GALNT1: variants seen among roughly 807,000 people sequenced by gnomAD.
The protein encoded by GALNT1 is GalNAc transferase 1.
GALNT1 carries 17 observed loss-of-function variants against 65.7 expected under a neutral mutation model. The ratio of observed to expected loss-of-function variants is 0.26; its 90% CI spans 0.18 to 0.39. GALNT1 has a LOEUF of 0.39. Among genes scored for constraint, GALNT1 ranks in the 10% least tolerant of loss-of-function variants. The pLI is 1.00. For synonymous variants in GALNT1, 210 were observed against 219.7 expected, an observed-to-expected ratio of 0.96 and a Z score of 0.39; for missense variants, 460 against 672.8, an observed-to-expected ratio of 0.68 and a Z score of 3.50.
intron 5 of GALNT1, among the ~76,000 whole-genome samples, chr18:35,685,793 G>A (rs944936129): frequency 1.3e-5 from 2 of 152,214 alleles, no homozygotes; most frequent in African/African-American, 4.8e-5. Flanking sequence ...TCAGGCTAGA[G>A]CAGTGGCTCA....
chr18:35,683,618 A>G lies in GALNT1; in HGVS notation c.689+20A>G. ...TGACAGGTAATTTTCTGGTGTCTGT[A>G]AGTTTGCTTTTAGTACATTTGTCCT... On this transcript the variant is annotated intron_variant, in intron 5 of 11. Transcript: ENST00000269195. 1 of 1,607,982 alleles carries G rather than the reference A, an allele frequency of 6.2e-7. No individual in the cohort carries two copies. The highest frequency in any genetic ancestry group is 8.5e-7 in the Non-Finnish European group (1 of 1,176,170).
chr18:35,652,531 C>G (rs1055205476), intron 1 of GALNT1, among the ~76,000 whole-genome samples: 1 of 152,174 alleles, frequency 6.6e-6, no homozygotes, highest in Non-Finnish European at 1.5e-5. Context: ...ACATCAGACC[C>G]AGTTACTCCC....
intron 3 of GALNT1, among the ~76,000 whole-genome samples, chr18:35,664,884 T>C (rs899537540): frequency 6.6e-6 from 1 of 152,224 alleles, no homozygotes; most frequent in Non-Finnish European, 1.5e-5. Context: ...CTCATCAGAA[T>C]TGGATAGGCC....
Position 35,706,394 on chromosome 18 carries a change from C to T in GALNT1, c.1533+2751C>T, listed in dbSNP as rs1413551483. On this transcript the variant is annotated intron_variant, in intron 11 of 11. Coordinates refer to ENST00000269195, the MANE Select transcript of GALNT1 (RefSeq NM_020474.4). Reference sequence around the variant, plus strand: ...GCAGGCACCTGTAGTCCCAGATACTCAGGAGGCTGAGGCAGGAGAATGGCG... The same window carrying T: ...GCAGGCACCTGTAGTCCCAGATACTTAGGAGGCTGAGGCAGGAGAATGGCG... 5.9e-5 allele frequency among the ~76,000 whole-genome samples: 9 copies of T among 152,160 alleles called. 1 individual carries two copies. The South Asian group carries it at 1.5e-3, about 25-fold the overall frequency.
Position 35,709,782 on chromosome 18 carries a change from C to T in GALNT1, c.*12C>T. Reference sequence around the variant, plus strand: ...CAGAAATATTCTGAGACCAAATTTACAAAAAAACGAAAAAAATAAGGATTG... The same window carrying T: ...CAGAAATATTCTGAGACCAAATTTATAAAAAAACGAAAAAAATAAGGATTG... On this transcript the variant is annotated 3_prime_UTR_variant, in exon 12 of 12. Coordinates refer to ENST00000269195, the MANE Select transcript of GALNT1 (RefSeq NM_020474.4). 6.2e-7 allele frequency: 1 copy of T among 1,607,324 alleles called. No individual in the cohort carries two copies. Among genetic ancestry groups the T allele is most frequent in the South Asian group, 1.1e-5 (1 of 90,264 alleles).
intron 1 of GALNT1, among the ~76,000 whole-genome samples, chr18:35,652,494 A>G (rs1460996823): frequency 6.6e-6 from 1 of 151,976 alleles, no homozygotes; most frequent in African/African-American, 2.4e-5. Flanking sequence ...CTGCTTGTGT[A>G]TGTATGCCTA....
At chr18:35,700,493 C>CT (rs1294562931) in intron 9 of GALNT1, among the ~76,000 whole-genome samples, 2 of 152,186 alleles carry the variant, frequency 1.3e-5, no homozygotes, top group African/African-American at 2.4e-5. Flanking sequence ...ACTCCTCACT[C>CT]TAACAGCTAA....
At position 35,691,195 on chromosome 18, in the gene GALNT1, T is replaced by G. The variant is rs772298126; in HGVS notation, c.1159+3T>G. Reference sequence around the variant, plus strand: ...TTTCTTCTATATAATTTCTCCAGGTTAGCGTTGTTTTGCATTAGAAATACA... The same window carrying G: ...TTTCTTCTATATAATTTCTCCAGGTGAGCGTTGTTTTGCATTAGAAATACA... On this transcript the variant is annotated splice_donor_region_variant and intron_variant, in intron 8 of 11. Transcript: ENST00000269195. The G allele has an allele frequency of 1.3e-6, 2 of 1,593,214 alleles. No individual in the cohort carries two copies. Among genetic ancestry groups the G allele is most frequent in the Middle Eastern group, 1.7e-4 (1 of 5,956 alleles).
chr18:35,693,393 G>A (rs761669334), intron 9 of GALNT1, among the ~76,000 whole-genome samples: 1 of 152,064 alleles, frequency 6.6e-6, no homozygotes, highest in African/African-American at 2.4e-5. Context: ...ACAAAGTGAG[G>A]GTCAAATCAT....
At chr18:35,630,913 A>C (rs1227924949) in intron 1 of GALNT1, among the ~76,000 whole-genome samples, 1 of 152,252 alleles carries the variant, frequency 6.6e-6, no homozygotes, top group Non-Finnish European at 1.5e-5. Flanking sequence ...CCATCAGAGA[A>C]TACTATAAAC....
chr18:35,617,071 AT>A (rs2144079016), intron 1 of GALNT1, among the ~76,000 whole-genome samples: 1 of 152,150 alleles, frequency 6.6e-6, no homozygotes, highest in African/African-American at 2.4e-5. Context: ...GGTGAATGTA[AT>A]GCAAGCGGCG....
chr18:35,643,640 G>A (rs2047193688), intron 1 of GALNT1, among the ~76,000 whole-genome samples: 2 of 151,654 alleles, frequency 1.3e-5, no homozygotes, highest in African/African-American at 2.4e-5. Context: ...GGCACCTGTA[G>A]TCCCAGCTAC....
chr18:35,633,372 G>T (rs1384417919), intron 1 of GALNT1, among the ~76,000 whole-genome samples: 1 of 152,056 alleles, frequency 6.6e-6, no homozygotes, highest in East Asian at 1.9e-4. Context: ...CCATAAAAAT[G>T]GATGAGTTCA....
chr18:35,697,169 T>C (rs188101749), intron 9 of GALNT1, among the ~76,000 whole-genome samples: 7 of 152,312 alleles, frequency 4.6e-5, no homozygotes, highest in African/African-American at 1.2e-4. Context: ...GTGCCTGCTA[T>C]GTATCTGTCC....
chr18:35,633,513 G>A (rs192898695), intron 1 of GALNT1, among the ~76,000 whole-genome samples: 2,300 of 144,216 alleles, frequency 0.016, 30 homozygotes, highest in African/African-American at 0.028. Flanking sequence ...TTGGACACAG[G>A]AAGGGGGACA....
chr18:35,666,411 G>A (rs569302333), intron 3 of GALNT1, among the ~76,000 whole-genome samples: 22 of 152,278 alleles, frequency 1.4e-4, no homozygotes, highest in African/African-American at 4.8e-4. Flanking sequence ...TTGCTTTCCT[G>A]AAAATTTAAA....
chr18:35,604,668 G>A (rs2046624870), intron 1 of GALNT1, among the ~76,000 whole-genome samples: 2 of 152,152 alleles, frequency 1.3e-5, no homozygotes, highest in South Asian at 4.1e-4. Context: ...AATGATTAGA[G>A]ATGTTGAACA....
intron 1 of GALNT1, among the ~76,000 whole-genome samples, chr18:35,622,766 T>C (rs1256369421): frequency 6.6e-6 from 1 of 152,190 alleles, no homozygotes; most frequent in East Asian, 1.9e-4. Flanking sequence ...AGTACATTGT[T>C]GACAGGAAGA....
intron 1 of GALNT1, among the ~76,000 whole-genome samples, chr18:35,640,368 AAAGT>A (rs1386665879): frequency 7.1e-6 from 1 of 140,920 alleles, no homozygotes; most frequent in East Asian, 2.0e-4. Flanking sequence ...GGAAAAAATT[AAAGT>A]AACAAGTATT....
Sources: gnomAD v4.1 joint callset for allele counts (sites outside exome capture counted in the v4.1 genomes callset) on GRCh38, gnomAD v4.1.1 for gene constraint, MANE v1.5 for transcripts, NCBI Gene and HGNC (gene_info 2026-07-23, HGNC 2026-07-21) for gene names.